INSC: variants seen among roughly 807,000 people sequenced by gnomAD.
The protein encoded by INSC is INSC spindle orientation adaptor protein, also known as protein inscuteable homolog.
In INSC, 67 loss-of-function variants were observed where a neutral mutation model predicts 58.6. That is an observed-to-expected ratio of 1.14 (90% CI 0.94 to 1.40). INSC has a LOEUF of 1.40. Among genes scored for constraint, INSC ranks in the 40% most tolerant of loss-of-function variants. The probability of loss-of-function intolerance (pLI) is 0.00; values close to 1 mark genes in which losing one functional copy is unlikely to be tolerated. For synonymous variants in INSC, 262 were observed against 276.1 expected, an observed-to-expected ratio of 0.95 and a Z score of 0.51; for missense variants, 714 against 692.0, an observed-to-expected ratio of 1.03 and a Z score of -0.36.
the INSC span, among the ~76,000 whole-genome samples, chr11:15,253,570 A>G: frequency 3.4e-3 from 525 of 152,310 alleles, 3 homozygotes; most frequent in African/African-American, 0.012. Context: ...AAGCAAAAGA[A>G]AAGGAGGAAG....
intron 10 of INSC, among the ~76,000 whole-genome samples, chr11:15,237,624 C>G (rs190496460): frequency 6.6e-6 from 1 of 152,242 alleles, no homozygotes; most frequent in Admixed American, 6.5e-5. Flanking sequence ...GGAAGACAGG[C>G]CTCTAAGGTC....
chr11:15,258,702 C>T, the INSC span, among the ~76,000 whole-genome samples: 1 of 152,160 alleles, frequency 6.6e-6, no homozygotes, highest in African/African-American at 2.4e-5. Flanking sequence ...AATTCTGGAG[C>T]AGGAGAACTC....
rs1281614651 is a variant in INSC at position 15,116,777 on chromosome 11, TCTTC to T, written c.-46+1782_-46+1785del. Reference sequence around the variant, plus strand: ...TCCTTCCTTCCATTCTTTCTTTTTTTCTTCCTTCCTTTCTTTTCTTTTCTTTCTT... The same window carrying T: ...TCCTTCCTTCCATTCTTTCTTTTTTTCTTCCTTTCTTTTCTTTTCTTTCTT... On this transcript the variant is annotated intron_variant, in intron 1 of 12. Transcript: ENST00000379556. Among the ~76,000 whole-genome samples the T allele has an allele frequency of 2.0e-5, 3 of 148,862 alleles. No individual in the cohort carries two copies. In the East Asian group the frequency reaches 6.0e-4, roughly 30 times the overall value.
At chr11:15,238,035 G>A (rs1457038992) in intron 10 of INSC, among the ~76,000 whole-genome samples, 2 of 152,112 alleles carry the variant, frequency 1.3e-5, no homozygotes, top group Admixed American at 1.3e-4. Flanking sequence ...GGGGAGTGTG[G>A]GATGGGCAGT....
intron 9 of INSC, among the ~76,000 whole-genome samples, chr11:15,229,984 TATA>T (rs1564917330): frequency 0.058 from 1,388 of 23,958 alleles, 34 homozygotes; most frequent in South Asian, 0.11. Flanking sequence ...ATATATTATA[TATA>T]TATATATATA....
chr11:15,155,533 C>T (rs1023301492), intron 2 of INSC, among the ~76,000 whole-genome samples: 4 of 152,120 alleles, frequency 2.6e-5, no homozygotes, highest in Non-Finnish European at 4.4e-5. Flanking sequence ...ACGATCCTGC[C>T]CTCATGCGGA....
chr11:15,129,684 G>C lies in INSC; in HGVS notation c.-46+14681G>C, dbSNP rs146338009. 9.1e-4 allele frequency among the ~76,000 whole-genome samples: 138 copies of C among 152,072 alleles called. 6 individuals carry two copies. The highest frequency in any genetic ancestry group is 8.7e-3 in the East Asian group (45 of 5,172). Reference sequence around the variant, plus strand: ...TTCTAAATTTTACTCTGTTTATGCTGGTATCTAGAACTATACTTGACTTTT... The same window carrying C: ...TTCTAAATTTTACTCTGTTTATGCTCGTATCTAGAACTATACTTGACTTTT... On this transcript the variant is annotated intron_variant, in intron 1 of 12. Transcript: ENST00000379556.
At position 15,214,509 on chromosome 11, in the gene INSC, G is replaced by A. The variant is rs1181226410; in HGVS notation, c.820-6968G>A. On this transcript the variant is annotated intron_variant, in intron 7 of 12. Coordinates refer to ENST00000379556, the MANE Select transcript of INSC (RefSeq NM_001042536.3). ...GACTAGCACCAGTGATATATCATGG[G>A]CCTTTGTATATTAGCCTGTGTCCTT... Among the ~76,000 whole-genome samples the A allele has an allele frequency of 3.3e-5, 5 of 152,152 alleles. No individual in the cohort carries two copies. The South Asian group carries it at 6.2e-4, about 19-fold the overall frequency.
intron 1 of INSC, among the ~76,000 whole-genome samples, chr11:15,118,291 C>T (rs1377340585): frequency 6.6e-6 from 1 of 152,182 alleles, no homozygotes; most frequent in African/African-American, 2.4e-5. Context: ...CATCTGAATG[C>T]AGGGCAGGGT....
intron 2 of INSC, among the ~76,000 whole-genome samples, chr11:15,156,858 G>C (rs1848832192): frequency 1.3e-5 from 2 of 152,290 alleles, no homozygotes; most frequent in South Asian, 4.1e-4. Context: ...GAAGAACACT[G>C]TTTCATACTG....
chr11:15,247,840 A>C (rs1190428613), downstream of INSC, among the ~76,000 whole-genome samples: 1 of 151,536 alleles, frequency 6.6e-6, no homozygotes, highest in Admixed American at 6.6e-5. Flanking sequence ...TATCATTATG[A>C]TCTCATCTGA....
chr11:15,216,119 G>T (rs1039691303), intron 7 of INSC, among the ~76,000 whole-genome samples: 3 of 152,164 alleles, frequency 2.0e-5, no homozygotes, highest in Non-Finnish European at 2.9e-5. Context: ...GGAGTAAAGC[G>T]GGCTGGCAGC....
chr11:15,158,119 G>A (rs1163051179), intron 2 of INSC, among the ~76,000 whole-genome samples: 2 of 151,818 alleles, frequency 1.3e-5, no homozygotes, highest in Non-Finnish European at 2.9e-5. Flanking sequence ...TTCTCTTTCT[G>A]TTTTATAACT....
intron 5 of INSC, chr11:15,188,104 T>A (rs1207174465): frequency 1.2e-6 from 1 of 831,540 alleles, no homozygotes; most frequent in African/African-American, 1.8e-5. Flanking sequence ...CATGCTGTGC[T>A]CAGTTATAGC....
In INSC at chr11:15,207,111, G is replaced by A. The variant is rs542999593; in HGVS notation, c.819+6162G>A. Among the ~76,000 whole-genome samples the A allele has an allele frequency of 2.0e-4, 30 of 152,200 alleles. 1 individual carries two copies. Among genetic ancestry groups the A allele is most frequent in the Middle Eastern group, 3.4e-3 (1 of 294 alleles). ...GGGCTGGAGACTAGAGCTGGACTGC[G>A]GACTATGGTCCAGATGAGGGGCTGG... On this transcript the variant is annotated intron_variant, in intron 7 of 12. Coordinates refer to ENST00000379556, the MANE Select transcript of INSC (RefSeq NM_001042536.3).
chr11:15,186,858 T>C (rs1849987069), intron 5 of INSC, among the ~76,000 whole-genome samples: 1 of 152,234 alleles, frequency 6.6e-6, no homozygotes, highest in Non-Finnish European at 1.5e-5. Context: ...TTCCGAACTC[T>C]ACTATTAAAA....
chr11:15,229,956 AT>A (rs1835192934), intron 9 of INSC, among the ~76,000 whole-genome samples: 2 of 7,118 alleles, frequency 2.8e-4, no homozygotes, highest in Non-Finnish European at 4.1e-4. Flanking sequence ...TATTATATAT[AT>A]ATTTATATAT....
chr11:15,162,578 T>C (rs911620911), intron 2 of INSC, among the ~76,000 whole-genome samples: 2 of 152,212 alleles, frequency 1.3e-5, no homozygotes, highest in Non-Finnish European at 2.9e-5. Context: ...TTATTTATTG[T>C]ATTTATTATT....
At chr11:15,259,591 T>C in the INSC span, among the ~76,000 whole-genome samples, 2 of 152,210 alleles carry the variant, frequency 1.3e-5, no homozygotes, top group Non-Finnish European at 2.9e-5. Context: ...TCATATTCTT[T>C]CTGTTGAAGA....
Sources: gnomAD v4.1 joint callset for allele counts (sites outside exome capture counted in the v4.1 genomes callset) on GRCh38, gnomAD v4.1.1 for gene constraint, MANE v1.5 for transcripts, NCBI Gene and HGNC (gene_info 2026-07-23, HGNC 2026-07-21) for gene names.